The following POF1B variants were observed in gnomAD, a reference collection of about 807,000 sequenced individuals.
POF1B encodes protein POF1B.
A neutral mutation model predicts 55.3 loss-of-function variants in POF1B; 53 were observed. That is an observed-to-expected ratio of 0.96 (90% confidence interval 0.77 to 1.20). POF1B has a LOEUF of 1.20. Among genes scored for constraint, POF1B ranks in the 50% most tolerant of loss-of-function variants. POF1B has a pLI of 0.00. For synonymous variants in POF1B, 188 were observed against 148.3 expected (o/e 1.27, Z -1.95); for missense variants, 478 against 420.5 (o/e 1.14, Z -1.20).
At chrX:85,323,462 G>A (rs1033390206) in intron 7 of POF1B, among the ~76,000 whole-genome samples, 19 of 106,777 alleles carry the variant, frequency 1.8e-4, no homozygotes, top group Non-Finnish European at 3.5e-4. Flanking sequence ...GGGGGAAGGG[G>A]GAGGGATAGC....
intron 6 of POF1B, among the ~76,000 whole-genome samples, chrX:85,341,736 G>A (rs1222183053): frequency 9.0e-6 from 1 of 110,985 alleles, no homozygotes; most frequent in East Asian, 2.9e-4. Flanking sequence ...AACCAGCCCT[G>A]AAATTCTATC....
At chrX:85,364,911 C>T (rs948744607) in intron 3 of POF1B, among the ~76,000 whole-genome samples, 2 of 112,161 alleles carry the variant, frequency 1.8e-5, no homozygotes, top group Non-Finnish European at 3.8e-5. Flanking sequence ...AGCTTGTTTA[C>T]ATAATCCCAT....
At chrX:85,338,192 T>C (rs1346752209) in intron 6 of POF1B, among the ~76,000 whole-genome samples, 1 of 111,607 alleles carries the variant, frequency 9.0e-6, no homozygotes, top group African/African-American at 3.3e-5. Context: ...CTCATCTTGT[T>C]CATCAAAAGA....
intron 7 of POF1B, among the ~76,000 whole-genome samples, chrX:85,319,442 G>C (rs141567041): frequency 0.022 from 2,435 of 110,810 alleles, 66 homozygotes; most frequent in African/African-American, 0.076. Context: ...TTCTTATCTT[G>C]TTCCGGTTTC....
chrX:85,298,071 G>A (rs1170816890), intron 15 of POF1B, among the ~76,000 whole-genome samples: 2 of 112,399 alleles, frequency 1.8e-5, no homozygotes, highest in Admixed American at 9.4e-5. Context: ...GAGAGCTGAA[G>A]TGTTCCCAGG....
rs933719139 is a variant in POF1B at position 85,319,360 on chromosome X, T to G, written c.855-3626A>C. Among the ~76,000 whole-genome samples the G allele has an allele frequency of 2.7e-5, 3 of 111,313 alleles. No individual in the cohort carries two copies. In the Admixed American group the frequency reaches 2.9e-4, roughly 11 times the overall value. ...TTCTTCCTGCTTGAATGCCCTTTAT[T>G]TCTTTCTCTTGCCAGATAGCTCTGG... On this transcript the variant is annotated intron_variant, in intron 7 of 16. Transcript: ENST00000262753.
At chrX:85,351,597 T>C in intron 4 of POF1B, 146 bp from the exon 5 acceptor site, 2 of 422,874 alleles carry the variant, frequency 4.7e-6, no homozygotes. Flanking sequence ...ATAATGTTGG[T>C]AGATGCAAGG....
intron 6 of POF1B, among the ~76,000 whole-genome samples, chrX:85,344,983 G>A (rs1933242547): frequency 9.0e-6 from 1 of 111,079 alleles, no homozygotes; most frequent in South Asian, 3.7e-4. Flanking sequence ...GATTAATGTG[G>A]CCAAAATGTA....
intron 15 of POF1B, among the ~76,000 whole-genome samples, chrX:85,301,527 T>C (rs949736547): frequency 5.4e-5 from 6 of 111,616 alleles, no homozygotes; most frequent in African/African-American, 1.6e-4. Context: ...AAAGGAGTCC[T>C]TCAGGCTGAA....
At chrX:85,378,981 A>C (rs923550719) in intron 2 of POF1B, among the ~76,000 whole-genome samples, 192 bp downstream of exon 2, 13 of 112,044 alleles carry the variant, frequency 1.2e-4, no homozygotes, top group African/African-American at 4.2e-4. Flanking sequence ...TGAAACCCGG[A>C]AACAAACAAC....
chrX:85,337,820 C>T (rs1933102781), intron 6 of POF1B, among the ~76,000 whole-genome samples: 1 of 111,867 alleles, frequency 8.9e-6, no homozygotes, highest in Non-Finnish European at 1.9e-5. Context: ...CTTAACTTCT[C>T]TGTGCCTGTA....
At chrX:85,359,736 G>T in intron 3 of POF1B, 106 bp from the exon 4 acceptor site, 1 of 492,451 alleles carries the variant, frequency 2.0e-6, no homozygotes, top group Non-Finnish European at 3.4e-6. Context: ...TTAGTTATTT[G>T]CATGAATGAT....
At chrX:85,322,494 C>A (rs776406133) in intron 7 of POF1B, among the ~76,000 whole-genome samples, 1 of 111,516 alleles carries the variant, frequency 9.0e-6, no homozygotes, top group East Asian at 2.8e-4. Flanking sequence ...AAAAACCCTA[C>A]AAGAAAACCT....
At chrX:85,303,225 C>T (rs1355658751) in intron 15 of POF1B, among the ~76,000 whole-genome samples, 181 bp downstream of exon 15, 1 of 110,960 alleles carries the variant, frequency 9.0e-6, no homozygotes, top group Non-Finnish European at 1.9e-5. Context: ...GAAAGATGTG[C>T]TTCAGGATTT....
intron 7 of POF1B, among the ~76,000 whole-genome samples, chrX:85,316,939 A>G (rs967970851): frequency 9.1e-6 from 1 of 110,286 alleles, no homozygotes; most frequent in African/African-American, 3.3e-5. Context: ...TATGTACTCA[A>G]TGTTTAGCTC....
intron 15 of POF1B, among the ~76,000 whole-genome samples, chrX:85,286,901 G>A (rs926507548): frequency 3.6e-5 from 4 of 110,889 alleles, no homozygotes; most frequent in African/African-American, 6.5e-5. Flanking sequence ...ATTTTGGCAC[G>A]CCTTTCAAGG....
intron 6 of POF1B, among the ~76,000 whole-genome samples, chrX:85,336,871 C>A (rs951537858): frequency 9.0e-6 from 1 of 111,544 alleles, no homozygotes; most frequent in Non-Finnish European, 1.9e-5. Flanking sequence ...AATCTTTGCC[C>A]AGTCCAATGT....
At chrX:85,356,891 G>C (rs948871299) in intron 4 of POF1B, among the ~76,000 whole-genome samples, 1 of 110,662 alleles carries the variant, frequency 9.0e-6, no homozygotes, top group Non-Finnish European at 1.9e-5. Context: ...TCTACTTTAC[G>C]GTTCCCAGGC....
intron 15 of POF1B, among the ~76,000 whole-genome samples, chrX:85,300,683 T>A (rs1932425684): frequency 8.9e-6 from 1 of 111,836 alleles, no homozygotes; most frequent in African/African-American, 3.2e-5. Context: ...ATATTGCCTA[T>A]CATGGAAAAA....
Sources: gnomAD v4.1 joint callset for allele counts (sites outside exome capture counted in the v4.1 genomes callset) on GRCh38, gnomAD v4.1.1 for gene constraint, MANE v1.5 for transcripts, NCBI Gene and HGNC (gene_info 2026-07-23, HGNC 2026-07-21) for gene names.